PPP2R2C: variants seen among roughly 807,000 people sequenced by gnomAD.
PPP2R2C encodes protein phosphatase 2, regulatory subunit B, gamma.
Under a neutral mutation model 45.3 loss-of-function variants are expected in PPP2R2C, and 10 were observed. The ratio of observed to expected loss-of-function variants is 0.22; its 90% CI spans 0.14 to 0.37. PPP2R2C has a LOEUF of 0.37. Ranked by LOEUF, PPP2R2C falls within the 10% of genes least tolerant of loss-of-function variation. The probability of loss-of-function intolerance (pLI) is 1.00; values close to 1 mark genes in which losing one functional copy is unlikely to be tolerated. For synonymous variants in PPP2R2C, 257 were observed against 245.4 expected (o/e 1.05, Z -0.44); for missense variants, 308 against 619.7 (o/e 0.50, Z 5.34).
Position 6,320,792 on chromosome 4 carries a change from AGAG to A in PPP2R2C, c.*2507_*2509del, listed in dbSNP as rs981942873. On this transcript the variant is annotated 3_prime_UTR_variant, in exon 9 of 9. Transcript: ENST00000382599. ...CACCACCACCAACAGCTTCGTCCTC[AGAG>A]AAGAGCTAAATTAAAAACAAAACCA... The A allele has an allele frequency of 2.0e-5, 3 of 147,588 alleles. No homozygotes were observed. The highest frequency in any genetic ancestry group is 6.9e-5 in the Admixed American group (1 of 14,458). 9.1% of individuals were successfully genotyped at this position (147,588 alleles called of 1,614,324 possible).
chr4:6,358,680 G>C (rs1470414016), intron 5 of PPP2R2C, among the ~76,000 whole-genome samples: 1 of 152,148 alleles, frequency 6.6e-6, no homozygotes, highest in African/African-American at 2.4e-5. Flanking sequence ...CAAAAAGTGG[G>C]CAAAGGATAT....
chr4:6,388,000 G>A (rs55638510), intron 1 of PPP2R2C, among the ~76,000 whole-genome samples: 4 of 152,116 alleles, frequency 2.6e-5, no homozygotes, highest in African/African-American at 9.7e-5. Flanking sequence ...TTTGGCCATC[G>A]CTGTCCCCAC....
intron 2 of PPP2R2C, among the ~76,000 whole-genome samples, chr4:6,512,760 G>A (rs2108807006): frequency 6.6e-6 from 1 of 151,900 alleles, no homozygotes; most frequent in Non-Finnish European, 1.5e-5. Context: ...GACCTCACCT[G>A]GGCCAGGGTC....
chr4:6,375,332 G>A (rs1577122798), intron 4 of PPP2R2C, among the ~76,000 whole-genome samples: 1 of 152,160 alleles, frequency 6.6e-6, no homozygotes, highest in African/African-American at 2.4e-5. Flanking sequence ...GTCTGTTTCA[G>A]GGTATGTCTG....
chr4:6,406,149 C>T (rs776911001), intron 1 of PPP2R2C, among the ~76,000 whole-genome samples: 1 of 152,154 alleles, frequency 6.6e-6, no homozygotes, highest in Non-Finnish European at 1.5e-5. Flanking sequence ...TTGAGACATT[C>T]TTGCCTTTCT....
chr4:6,455,190 G>A (rs767410257), intron 1 of PPP2R2C, among the ~76,000 whole-genome samples: 5 of 152,130 alleles, frequency 3.3e-5, no homozygotes, highest in African/African-American at 9.7e-5. Flanking sequence ...AAACAAAAAT[G>A]TTTTGCCCAA....
intron 1 of PPP2R2C, among the ~76,000 whole-genome samples, chr4:6,547,879 T>C (rs771175275): frequency 6.6e-6 from 1 of 152,060 alleles, no homozygotes; most frequent in Non-Finnish European, 1.5e-5. Context: ...GATAAGCACA[T>C]AAAAAGATGC....
intron 1 of PPP2R2C, among the ~76,000 whole-genome samples, chr4:6,545,946 C>T (rs1724966380): frequency 6.6e-6 from 1 of 152,072 alleles, no homozygotes; most frequent in Non-Finnish European, 1.5e-5. Flanking sequence ...TGCCCCAGCA[C>T]CACAGTTCCC....
rs955778706 is a variant in PPP2R2C, at chr4:6,324,687, C to T, written c.1053-1094G>A. On this transcript the variant is annotated intron_variant, in intron 8 of 8. Coordinates refer to ENST00000382599, the MANE Select transcript of PPP2R2C (RefSeq NM_020416.4). This position sits in a 1 kb window ranked among gnomAD's most constrained non-coding sequence, Gnocchi z 4.1. ...ACGTGCAGGGGCTCGCTGCCCTCACCGTCCCGCTAAAGAGAATTCCACACC... is the reference window on the plus strand; with the variant it reads ...ACGTGCAGGGGCTCGCTGCCCTCACTGTCCCGCTAAAGAGAATTCCACACC... 6.6e-6 allele frequency among the ~76,000 whole-genome samples: 1 copy of T among 152,216 alleles called. No individual in the cohort carries two copies. Among genetic ancestry groups the T allele is most frequent in the South Asian group, 2.1e-4 (1 of 4,838 alleles).
rs74830633 is a variant in PPP2R2C at position 6,368,082 on chromosome 4, T to A, written c.625+4441A>T. On this transcript the variant is annotated intron_variant, in intron 5 of 8. Coordinates refer to ENST00000382599, the MANE Select transcript of PPP2R2C (RefSeq NM_020416.4). This position sits in a 1 kb window ranked among gnomAD's most constrained non-coding sequence, Gnocchi z 4.2. Reference sequence around the variant, plus strand: ...ACACGGCAGGGTGTGCGGCCAGGGATGTTCCCAGGATCCACAGGGGCCCCC... The same window carrying A: ...ACACGGCAGGGTGTGCGGCCAGGGAAGTTCCCAGGATCCACAGGGGCCCCC... Among the ~76,000 whole-genome samples, 643 of 152,224 alleles carry A rather than the reference T, an allele frequency of 4.2e-3. 3 individuals are homozygous for A. Among genetic ancestry groups the A allele is most frequent in the African/African-American group, 0.015 (619 of 41,536 alleles).
intron 2 of PPP2R2C, among the ~76,000 whole-genome samples, chr4:6,523,039 C>A (rs1207770177): frequency 1.3e-5 from 2 of 152,210 alleles, no homozygotes; most frequent in Non-Finnish European, 2.9e-5. Context: ...AGAAGTCATA[C>A]GTCCTATGGC....
intron 1 of PPP2R2C, among the ~76,000 whole-genome samples, chr4:6,536,171 G>A (rs568848583): frequency 6.6e-6 from 1 of 152,304 alleles, no homozygotes; most frequent in Admixed American, 6.5e-5. Context: ...TCAAGGTGAA[G>A]GATAGGAACT....
chr4:6,561,058 T>C (rs1325419335), intron 1 of PPP2R2C, among the ~76,000 whole-genome samples: 1 of 152,218 alleles, frequency 6.6e-6, no homozygotes, highest in Non-Finnish European at 1.5e-5. Flanking sequence ...CGCCCTTCCC[T>C]GGGCTGGCAG....
At chr4:6,481,120 T>C (rs1722332255) in intron 2 of PPP2R2C, among the ~76,000 whole-genome samples, 1 of 152,250 alleles carries the variant, frequency 6.6e-6, no homozygotes, top group African/African-American at 2.4e-5. Flanking sequence ...TAATTTGCTG[T>C]TTTTGTCTTA....
intron 6 of PPP2R2C, among the ~76,000 whole-genome samples, chr4:6,335,449 G>A (rs187953318): frequency 2.0e-3 from 301 of 152,290 alleles, no homozygotes; most frequent in South Asian, 0.015. Context: ...GCCAAGGGCC[G>A]TGCAGGCAGA....
At position 6,469,077 on chromosome 4, in the gene PPP2R2C, C is replaced by CAAAA. The variant is rs142008829; in HGVS notation, c.70+3079_70+3082dup. Among the ~76,000 whole-genome samples the CAAAA allele has an allele frequency of 1.6e-3, 90 of 56,190 alleles. 3 individuals carry two copies. The highest frequency in any genetic ancestry group is 5.8e-3 in the African/African-American group (83 of 14,400). The allele number at this position is 56,190 out of a possible 152,430, so 36.9% of individuals were successfully genotyped here. A position where few individuals can be genotyped will look rare whatever the true frequency, so the allele number is the denominator to read the frequency against. On this transcript the variant is annotated intron_variant, in intron 1 of 8. Coordinates refer to ENST00000382599, the MANE Select transcript of PPP2R2C (RefSeq NM_020416.4). ...AGAGTAAGCCACCCAGCCCTGCCAC[C>CAAAA]AAAAAAAAAAAAAAAAAAAAAAAAA...
rs952932375 is a variant in PPP2R2C, at chr4:6,323,003, G to C, written c.*299C>G. 1.5e-5 allele frequency: 4 copies of C among 275,592 alleles called. No individual in the cohort carries two copies. The highest frequency in any genetic ancestry group is 8.7e-5 in the African/African-American group (4 of 45,944). The allele number at this position is 275,592 out of a possible 1,614,324, so 17.1% of individuals were successfully genotyped here. On this transcript the variant is annotated 3_prime_UTR_variant, in exon 9 of 9. Transcript: ENST00000382599. The stretch of plus-strand genomic sequence containing the variant: ...CGCAGACCGAGACAGGAAGGGACGT[G>C]AATGAAAGAACCCTGAACTGTAAGA...
At chr4:6,416,358 G>A (rs995634730) in intron 1 of PPP2R2C, among the ~76,000 whole-genome samples, 2 of 152,250 alleles carry the variant, frequency 1.3e-5, no homozygotes, top group Admixed American at 6.5e-5. Context: ...GCCAGGATTC[G>A]AACCCAGGTC....
chr4:6,516,975 G>A (rs1297913766), intron 2 of PPP2R2C, among the ~76,000 whole-genome samples: 3 of 152,308 alleles, frequency 2.0e-5, no homozygotes, highest in African/African-American at 4.8e-5. Context: ...CTGGGGACAC[G>A]TCAGGAGGAT....
Sources: gnomAD v4.1 joint callset for allele counts (sites outside exome capture counted in the v4.1 genomes callset) on GRCh38, gnomAD v4.1.1 for gene constraint, Gnocchi (gnomAD v3.1) non-coding constraint, MANE v1.5 for transcripts, NCBI Gene and HGNC (gene_info 2026-07-23, HGNC 2026-07-21) for gene names.